The following COL19A1 variants were observed in gnomAD, a reference collection of about 807,000 sequenced individuals.
The protein encoded by COL19A1 is collagen alpha-1(XIX) chain.
Under a neutral mutation model 190.2 loss-of-function variants are expected in COL19A1, and 159 were observed. That is an observed-to-expected ratio of 0.84 (90% CI 0.73 to 0.95). COL19A1 has a LOEUF of 0.95. Among genes scored for constraint, COL19A1 ranks in the 40% least tolerant of loss-of-function variants. The probability of loss-of-function intolerance (pLI) is 0.00; values close to 1 mark genes in which losing one functional copy is unlikely to be tolerated. For missense variants in COL19A1, 1,418 were observed against 1,431.9 expected (o/e 0.99, Z 0.16); for synonymous variants, 509 against 458.9 (o/e 1.11, Z -1.39).
chr6:70,047,468 TC>T (rs1408289762), intron 14 of COL19A1, among the ~76,000 whole-genome samples: 1 of 152,084 alleles, frequency 6.6e-6, no homozygotes, highest in African/African-American at 2.4e-5. Context: ...GACATAAAAA[TC>T]CTCTATTAAA....
At chr6:69,937,983 G>T in intron 8 of COL19A1, 55 bp from the exon 9 acceptor site, 1 of 1,543,118 alleles carries the variant, frequency 6.5e-7, no homozygotes, top group East Asian at 2.3e-5. Flanking sequence ...AAACCATTTG[G>T]CTTTAGATCA....
chr6:70,144,307 A>G (rs773593230), intron 24 of COL19A1, 44 bp downstream of exon 24: 2 of 1,501,346 alleles, frequency 1.3e-6, no homozygotes, highest in South Asian at 2.3e-5. Flanking sequence ...AGTAGATAGG[A>G]GGAAGAGACA....
At chr6:69,995,876 C>G (rs79962441) in intron 11 of COL19A1, among the ~76,000 whole-genome samples, 3 of 152,058 alleles carry the variant, frequency 2.0e-5, no homozygotes, top group Non-Finnish European at 4.4e-5. Flanking sequence ...GGAGAAATAA[C>G]TTAATTAGGT....
chr6:69,928,286 A>T (rs556194147), intron 5 of COL19A1, among the ~76,000 whole-genome samples: 1 of 152,178 alleles, frequency 6.6e-6, no homozygotes, highest in Non-Finnish European at 1.5e-5. Flanking sequence ...TATTTTGTTT[A>T]AAGATGTAAA....
chr6:69,926,320 G>A (rs1313313974), intron 4 of COL19A1, among the ~76,000 whole-genome samples: 2 of 152,204 alleles, frequency 1.3e-5, no homozygotes, highest in South Asian at 4.1e-4. Context: ...AGGAAACCTA[G>A]ACATTAAACT....
At chr6:69,929,740 C>A in intron 6 of COL19A1, 40 bp downstream of exon 6, 3 of 1,516,036 alleles carry the variant, frequency 2.0e-6, no homozygotes, top group South Asian at 1.3e-5. Context: ...ACTAAAATTT[C>A]TAAGTAAAAA....
chr6:70,023,751 A>G lies in COL19A1; in HGVS notation c.1080+71A>G. The stretch of plus-strand genomic sequence containing the variant: ...TAAGATATGCTATTTAATGCTATTA[A>G]GATTTGCCTATTTTTGGCAGAGCCA... On this transcript the variant is annotated intron_variant, in intron 12 of 50. Coordinates refer to ENST00000620364, the MANE Select transcript of COL19A1 (RefSeq NM_001858.6). The G allele has an allele frequency of 2.8e-6, 4 of 1,430,654 alleles. No homozygotes were observed. In the South Asian group the frequency reaches 5.1e-5, roughly 18 times the overall value. The allele number at this position is 1,430,654 out of a possible 1,614,324, so 88.6% of individuals were successfully genotyped here. A position where few individuals can be genotyped will look rare whatever the true frequency, so the allele number is the denominator to read the frequency against.
chr6:70,183,967 C>T (rs1381765049), intron 44 of COL19A1, among the ~76,000 whole-genome samples: 1 of 152,178 alleles, frequency 6.6e-6, no homozygotes, highest in Admixed American at 6.5e-5. Context: ...TTATATCTCC[C>T]AGCCAATAGT....
At chr6:70,128,727 CT>C (rs1785344140) in intron 17 of COL19A1, among the ~76,000 whole-genome samples, 1 of 152,174 alleles carries the variant, frequency 6.6e-6, no homozygotes, top group African/African-American at 2.4e-5. Context: ...CTCAATTCCA[CT>C]GAAACAAAGT....
chr6:70,162,700 A>G (rs1205144736), intron 35 of COL19A1, among the ~76,000 whole-genome samples: 1 of 152,220 alleles, frequency 6.6e-6, no homozygotes, highest in South Asian at 2.1e-4. Context: ...ATGCCAATAG[A>G]GTCTTTACCA....
intron 44 of COL19A1, among the ~76,000 whole-genome samples, chr6:70,180,931 C>G (rs1230784717): frequency 6.6e-6 from 1 of 152,196 alleles, no homozygotes; most frequent in Non-Finnish European, 1.5e-5. Flanking sequence ...CCTTTGTATA[C>G]AGGCCTTGTT....
chr6:70,039,757 ATTG>A (rs1338123143), intron 14 of COL19A1, among the ~76,000 whole-genome samples: 2 of 143,320 alleles, frequency 1.4e-5, no homozygotes, highest in African/African-American at 5.5e-5. Flanking sequence ...TTGGGGAAGT[ATTG>A]TTTTTTTTTT....
At chr6:70,167,777 C>T (rs555882287) in intron 37 of COL19A1, among the ~76,000 whole-genome samples, 1 of 152,200 alleles carries the variant, frequency 6.6e-6, no homozygotes, top group Non-Finnish European at 1.5e-5. Context: ...ATTAATTAAA[C>T]CCCAACTGAA....
chr6:70,038,989 G>T (rs914590538), intron 14 of COL19A1, among the ~76,000 whole-genome samples: 1 of 151,922 alleles, frequency 6.6e-6, no homozygotes, highest in African/African-American at 2.4e-5. Flanking sequence ...CCCGGGAGGC[G>T]GTTGCAGTGA....
chr6:70,010,885 G>A (rs1408837363), intron 11 of COL19A1, among the ~76,000 whole-genome samples: 4 of 105,828 alleles, frequency 3.8e-5, no homozygotes, highest in African/African-American at 1.1e-4. Context: ...GCCTGCCTCT[G>A]TAGGCTCCAC....
intron 14 of COL19A1, among the ~76,000 whole-genome samples, chr6:70,061,926 AC>A (rs761591566): frequency 6.6e-6 from 1 of 152,144 alleles, no homozygotes; most frequent in Non-Finnish European, 1.5e-5. Flanking sequence ...TTTCTTATAA[AC>A]ACTAGGAATT....
chr6:69,938,151 G>T, intron 9 of COL19A1, 51 bp downstream of exon 9: 1 of 1,552,118 alleles, frequency 6.4e-7, no homozygotes, highest in South Asian at 1.1e-5. Context: ...GTTAAAAAAT[G>T]ACTTAAAAAT....
intron 34 of COL19A1, among the ~76,000 whole-genome samples, chr6:70,160,213 A>C (rs765293319): frequency 6.6e-6 from 1 of 152,068 alleles, no homozygotes; most frequent in East Asian, 1.9e-4. Flanking sequence ...GAAACTTACA[A>C]TCATGACAGA....
At chr6:70,107,867 C>T (rs1165547688) in intron 16 of COL19A1, among the ~76,000 whole-genome samples, 2 of 152,128 alleles carry the variant, frequency 1.3e-5, no homozygotes, top group African/African-American at 4.8e-5. Context: ...TGAGCTGTTG[C>T]ATTTTATTAG....
Sources: gnomAD v4.1 joint callset for allele counts (sites outside exome capture counted in the v4.1 genomes callset) on GRCh38, gnomAD v4.1.1 for gene constraint, MANE v1.5 for transcripts, NCBI Gene and HGNC (gene_info 2026-07-23, HGNC 2026-07-21) for gene names.